The following PVT1 variants were observed in gnomAD, a reference collection of about 807,000 sequenced individuals.
PVT1 encodes the protein CXCR4/PVT1 fusion.
chr8:127,853,038 C>G (rs1403410616), intron 2 of PVT1, among the ~76,000 whole-genome samples: 1 of 152,192 alleles, frequency 6.6e-6, no homozygotes, highest in African/African-American at 2.4e-5. Flanking sequence ...AAAGTCCCAG[C>G]TGGCATAAGT....
chr8:127,898,516 G>A lies in PVT1; in HGVS notation n.782+7518G>A, dbSNP rs143228190. Among the ~76,000 whole-genome samples, 4 of 152,286 alleles carry A rather than the reference G, an allele frequency of 2.6e-5. No individual in the cohort carries two copies. The highest frequency in any genetic ancestry group is 3.9e-4 in the East Asian group (2 of 5,178). Reference sequence around the variant, plus strand: ...TGGAGACCAAGCTAGGCAGGGAAGCGCCTTTGCTTATCATGCTGGAGACCA... The same window carrying A: ...TGGAGACCAAGCTAGGCAGGGAAGCACCTTTGCTTATCATGCTGGAGACCA... On this transcript the variant is annotated intron_variant and non_coding_transcript_variant, in intron 3 of 10. Coordinates refer to ENST00000651587, the Ensembl canonical transcript of PVT1. The surrounding 1 kb of genome is among the most constrained non-coding windows in gnomAD (Gnocchi z 4.4).
chr8:127,846,196 G>A (rs1224886535), intron 2 of PVT1, among the ~76,000 whole-genome samples: 1 of 152,198 alleles, frequency 6.6e-6, no homozygotes, highest in African/African-American at 2.4e-5. Flanking sequence ...AACCAGTCTG[G>A]AAATGTCAGT....
intron 5 of PVT1, among the ~76,000 whole-genome samples, chr8:128,074,061 T>G (rs1349818418): frequency 3.3e-5 from 5 of 152,172 alleles, no homozygotes; most frequent in South Asian, 2.1e-4. Flanking sequence ...CTTGGCTGCT[T>G]CTTTTCAGAA....
chr8:128,096,070 T>TA (rs1222085950), intron 5 of PVT1, among the ~76,000 whole-genome samples: 5 of 152,136 alleles, frequency 3.3e-5, no homozygotes, highest in Non-Finnish European at 4.4e-5. Context: ...TGAGTCAAAA[T>TA]AAAAAAAGAT....
intron 3 of PVT1, among the ~76,000 whole-genome samples, chr8:127,910,912 T>TGAGAGA (rs59712883): frequency 6.7e-6 from 1 of 148,820 alleles, no homozygotes; most frequent in Middle Eastern, 3.2e-3. Context: ...TGTGTGTGTG[T>TGAGAGA]GAGAGAGAGA....
At chr8:127,812,322 C>G (rs1056041379) in intron 2 of PVT1, among the ~76,000 whole-genome samples, 1 of 145,600 alleles carries the variant, frequency 6.9e-6, no homozygotes, top group African/African-American at 2.6e-5. Context: ...TAGCTCTTGC[C>G]TGTTGTAGTC....
chr8:128,052,231 G>T (rs1474290558), intron 4 of PVT1, among the ~76,000 whole-genome samples: 1 of 152,118 alleles, frequency 6.6e-6, no homozygotes, highest in Non-Finnish European at 1.5e-5. Flanking sequence ...CTGGCACTGA[G>T]ATACAGTGGG....
intron 3 of PVT1, among the ~76,000 whole-genome samples, chr8:127,965,765 G>GCA (rs1563652260): frequency 6.6e-6 from 1 of 152,034 alleles, no homozygotes; most frequent in Non-Finnish European, 1.5e-5. Flanking sequence ...ACAGAGTCAG[G>GCA]TGTTGGGTGC....
intron 4 of PVT1, among the ~76,000 whole-genome samples, chr8:128,036,341 T>C (rs1220255829): frequency 6.6e-6 from 1 of 152,194 alleles, no homozygotes; most frequent in Non-Finnish European, 1.5e-5. Context: ...GAGCACAGTA[T>C]GTACCCCAGC....
At chr8:127,899,607 CAG>C (rs144308345) in intron 3 of PVT1, among the ~76,000 whole-genome samples, 151 of 152,296 alleles carry the variant, frequency 9.9e-4, no homozygotes, top group African/African-American at 3.5e-3. Flanking sequence ...ATTTCATCCA[CAG>C]AGACATCTGG....
At chr8:128,097,937 G>T (rs1192145246) in intron 6 of PVT1, among the ~76,000 whole-genome samples, 2 of 152,132 alleles carry the variant, frequency 1.3e-5, no homozygotes, top group Non-Finnish European at 2.9e-5. Context: ...TTCCTGCAGG[G>T]ACTTAGACGA....
intron 3 of PVT1, among the ~76,000 whole-genome samples, chr8:127,896,147 A>G (rs1055029809): frequency 3.3e-5 from 5 of 152,238 alleles, no homozygotes; most frequent in African/African-American, 1.2e-4. Context: ...TGGCCTTCAC[A>G]TGGCTAGTTT....
intron 4 of PVT1, among the ~76,000 whole-genome samples, chr8:128,002,217 A>C (rs1008716855): frequency 6.6e-6 from 1 of 152,136 alleles, no homozygotes; most frequent in Non-Finnish European, 1.5e-5. Context: ...CCTGAGTCTC[A>C]CATCCGCCCT....
chr8:127,863,469 C>T (rs1815251963), intron 2 of PVT1, among the ~76,000 whole-genome samples: 4 of 152,284 alleles, frequency 2.6e-5, no homozygotes, highest in African/African-American at 7.2e-5. Flanking sequence ...TCTCTCTTCC[C>T]TTCTGTCTTC....
intron 2 of PVT1, among the ~76,000 whole-genome samples, chr8:127,878,949 GA>G (rs1815434498): frequency 6.6e-6 from 1 of 152,174 alleles, no homozygotes; most frequent in Non-Finnish European, 1.5e-5. Flanking sequence ...GCCACAACTA[GA>G]CACATTATCT....
intron 2 of PVT1, among the ~76,000 whole-genome samples, chr8:127,835,395 A>G (rs1009352042): frequency 6.7e-6 from 1 of 150,036 alleles, no homozygotes; most frequent in Non-Finnish European, 1.5e-5. Context: ...GAGTTGAACA[A>G]TGAGAACATA....
intron 2 of PVT1, among the ~76,000 whole-genome samples, chr8:127,839,713 A>C (rs974122654): frequency 7.2e-5 from 11 of 152,178 alleles, no homozygotes; most frequent in Non-Finnish European, 1.3e-4. Context: ...CTAATGGCTC[A>C]GCTGAGGAAG....
At chr8:128,048,079 C>T (rs1035648887) in intron 4 of PVT1, among the ~76,000 whole-genome samples, 8 of 152,176 alleles carry the variant, frequency 5.3e-5, no homozygotes, top group Non-Finnish European at 7.3e-5. Context: ...AGATCAGTTA[C>T]GTGAACTTCT....
At chr8:128,048,073 C>A (rs1392467613) in intron 4 of PVT1, among the ~76,000 whole-genome samples, 1 of 152,222 alleles carries the variant, frequency 6.6e-6, no homozygotes, top group Non-Finnish European at 1.5e-5. Flanking sequence ...AACCCCAGAT[C>A]AGTTACGTGA....
Sources: gnomAD v4.1 joint callset for allele counts (sites outside exome capture counted in the v4.1 genomes callset) on GRCh38, gnomAD v4.1.1 for gene constraint, Gnocchi (gnomAD v3.1) non-coding constraint, MANE v1.5 for transcripts, NCBI Gene and HGNC (gene_info 2026-07-23, HGNC 2026-07-21) for gene names.